The following SCUBE2 variants were observed in gnomAD, a reference collection of about 807,000 sequenced individuals.
SCUBE2 encodes signal peptide, CUB and EGF-like domain-containing protein 2.
In SCUBE2, 114 loss-of-function variants were observed where a neutral mutation model predicts 125.9. That is an observed-to-expected ratio of 0.91 (90% confidence interval 0.78 to 1.06). The LOEUF (loss-of-function observed/expected upper bound fraction) is 1.06, where lower values mean the gene tolerates loss of function less well. Among genes scored for constraint, SCUBE2 ranks in the 50% least tolerant of loss-of-function variants. The pLI, the probability that SCUBE2 is intolerant of heterozygous loss-of-function variation, is 0.00. For missense variants in SCUBE2, 1,255 were observed against 1,301.8 expected (o/e 0.96, Z 0.55); for synonymous variants, 459 against 492.9 (o/e 0.93, Z 0.91).
intron 17 of SCUBE2, among the ~76,000 whole-genome samples, chr11:9,032,456 G>A (rs1283189361): frequency 2.6e-5 from 4 of 152,218 alleles, no homozygotes; most frequent in South Asian, 2.1e-4. Flanking sequence ...CACATAGGCC[G>A]GGTGCAGTGG....
At chr11:9,051,355 A>C (rs1049237257) in intron 13 of SCUBE2, among the ~76,000 whole-genome samples, 3 of 152,182 alleles carry the variant, frequency 2.0e-5, no homozygotes, top group African/African-American at 7.2e-5. Context: ...AAAAAAGGCC[A>C]GAATCCCCCA....
At chr11:9,079,850 C>A (rs1189672601) in intron 2 of SCUBE2, among the ~76,000 whole-genome samples, 4 of 151,788 alleles carry the variant, frequency 2.6e-5, no homozygotes, top group African/African-American at 7.3e-5. Context: ...ATGAAAAAAT[C>A]AAAATTAAAA....
Position 9,091,477 on chromosome 11 carries a change from GCA to G in SCUBE2, c.50_51del (p.Leu17ProfsTer31). On this transcript the variant is annotated frameshift_variant, in exon 1 of 23. Transcript: ENST00000649792. LOFTEE classifies it high-confidence loss of function. This position sits in a 1 kb window ranked among gnomAD's most constrained non-coding sequence, Gnocchi z 8.5. ...NRPGAAWAVLLLLLLLPPLLL... is the reference protein window; with the variant it reads ...NRPGAAWAVLXLLLLLPPLLL... ...AGCAGTGGCGGCAGCAGCAGCAGCA[GCA>G]GCAGCACCGCCCAGGCCGCCCCGGG... The G allele has an allele frequency of 7.9e-7, 1 of 1,270,090 alleles. No homozygotes were observed. Among genetic ancestry groups the G allele is most frequent in the Non-Finnish European group, 1.0e-6 (1 of 985,652 alleles). 78.7% of individuals were successfully genotyped at this position (1,270,090 alleles called of 1,614,324 possible). A position where few individuals can be genotyped will look rare whatever the true frequency, so the allele number is the denominator to read the frequency against.
chr11:9,047,349 C>T lies in SCUBE2; in HGVS notation c.2002+7G>A. ...TTCTGTTAGCAAGAATGTCCCAGGCCACTCACCACATTGGTTTTCTGCATG... is the reference window on the plus strand; with the variant it reads ...TTCTGTTAGCAAGAATGTCCCAGGCTACTCACCACATTGGTTTTCTGCATG... On this transcript the variant is annotated splice_region_variant and intron_variant, in intron 16 of 22. Coordinates refer to ENST00000649792, the MANE Select transcript of SCUBE2 (RefSeq NM_001367977.2). 1 of 1,614,012 alleles carries T rather than the reference C, an allele frequency of 6.2e-7. No individual in the cohort carries two copies. The highest frequency in any genetic ancestry group is 8.5e-7 in the Non-Finnish European group (1 of 1,179,898).
In SCUBE2 at chr11:9,059,439, G is replaced by A. The variant is rs1223502680; in HGVS notation, c.968-14C>T. 2 of 1,612,530 alleles carry A rather than the reference G, an allele frequency of 1.2e-6. No individual in the cohort carries two copies. Among genetic ancestry groups the A allele is most frequent in the African/African-American group, 2.7e-5 (2 of 75,046 alleles). The stretch of plus-strand genomic sequence containing the variant: ...ACTCATCAATATCTGCAACAGGAAA[G>A]CATTGGGCATATCAGAGAGCAATAC... On this transcript the variant is annotated splice_polypyrimidine_tract_variant and intron_variant, in intron 8 of 22. Transcript: ENST00000649792.
intron 16 of SCUBE2, among the ~76,000 whole-genome samples, chr11:9,039,197 C>A (rs1856995426): frequency 6.6e-6 from 1 of 152,164 alleles, no homozygotes; most frequent in Admixed American, 6.5e-5. Flanking sequence ...GGAGGCCAGG[C>A]AAGGCTGAGG....
intron 9 of SCUBE2, 145 bp from the exon 10 acceptor site, chr11:9,056,054 A>G (rs1317770682): frequency 2.9e-6 from 2 of 680,744 alleles, no homozygotes; most frequent in Non-Finnish European, 5.2e-6. Flanking sequence ...TTCCTCACTC[A>G]CTTGTGTTAA....
At chr11:9,079,560 A>G in intron 2 of SCUBE2, 51 bp from the exon 3 acceptor site, 1 of 1,593,162 alleles carries the variant, frequency 6.3e-7, no homozygotes, top group South Asian at 1.1e-5. Flanking sequence ...CTTTGATGTG[A>G]AAACATATGC....
intron 21 of SCUBE2, chr11:9,024,273 G>T: frequency 9.2e-7 from 1 of 1,082,680 alleles, no homozygotes; most frequent in Non-Finnish European, 1.1e-6. Flanking sequence ...TTCCAGATAG[G>T]AGAGGTTGCC....
chr11:9,069,537 A>G (rs1860580566), intron 4 of SCUBE2, 42 bp from the exon 5 acceptor site: 2 of 1,612,342 alleles, frequency 1.2e-6, no homozygotes, highest in Non-Finnish European at 1.7e-6. Flanking sequence ...GGCTGTGGTC[A>G]GAATCCTGAG....
intron 9 of SCUBE2, among the ~76,000 whole-genome samples, chr11:9,056,200 T>C (rs1156647562): frequency 6.6e-6 from 1 of 152,234 alleles, no homozygotes; most frequent in African/African-American, 2.4e-5. Context: ...TAATTTAAAA[T>C]GTTTAAATGA....
chr11:9,055,757 A>G (rs1207917693), intron 10 of SCUBE2, 36 bp downstream of exon 10: 12 of 1,558,498 alleles, frequency 7.7e-6, no homozygotes, highest in Non-Finnish European at 1.1e-5. Flanking sequence ...GCCCAGCCTC[A>G]TTCCCCTCCC....
chr11:9,084,530 A>G (rs7124608), intron 2 of SCUBE2, among the ~76,000 whole-genome samples: 2,549 of 14,158 alleles, frequency 0.18, 74 homozygotes, highest in African/African-American at 0.26. Context: ...TGCAAAGGGG[A>G]AAAAAAAATA....
intron 16 of SCUBE2, among the ~76,000 whole-genome samples, chr11:9,036,354 T>C (rs1311846655): frequency 6.6e-6 from 1 of 152,180 alleles, no homozygotes; most frequent in African/African-American, 2.4e-5. Context: ...CCAGCCCATC[T>C]CTCATGTAAA....
At chr11:9,035,687 C>A (rs747850135) in intron 16 of SCUBE2, among the ~76,000 whole-genome samples, 1 of 151,996 alleles carries the variant, frequency 6.6e-6, no homozygotes, top group East Asian at 1.9e-4. Context: ...ATAAAAATGT[C>A]TTTTCATTAT....
In SCUBE2 at chr11:9,065,890, C is replaced by T. The variant is rs1033411633; in HGVS notation, c.850+1G>A. The T allele has an allele frequency of 3.7e-6, 6 of 1,613,582 alleles. No homozygotes were observed. The African/African-American group carries it at 8.0e-5, about 22-fold the overall frequency. On this transcript the variant is annotated splice_donor_variant, in intron 7 of 22. Transcript: ENST00000649792. LOFTEE classifies it high-confidence loss of function. The stretch of plus-strand genomic sequence containing the variant: ...CAAGGAAAGGGAGTGAAGGTGCCTA[C>T]CCATGAGCAGCCGCCGTTTCACCCG...
chr11:9,051,830 C>G (rs909844662), intron 13 of SCUBE2, among the ~76,000 whole-genome samples: 2 of 152,208 alleles, frequency 1.3e-5, no homozygotes, highest in Admixed American at 6.5e-5. Flanking sequence ...GCTTGCCCCA[C>G]CTTGGGGTGG....
At chr11:9,024,506 T>A (rs992491701) in intron 21 of SCUBE2, 2 of 862,252 alleles carry the variant, frequency 2.3e-6, no homozygotes, top group Non-Finnish European at 3.3e-6. Context: ...CTTGTCATCC[T>A]AAAATCCTTC....
At chr11:9,085,315 A>C (rs763462555) in intron 2 of SCUBE2, among the ~76,000 whole-genome samples, 10 of 152,232 alleles carry the variant, frequency 6.6e-5, no homozygotes, top group Non-Finnish European at 1.3e-4. Flanking sequence ...ATAGTTATGT[A>C]AGTTGTTAAC....
Sources: gnomAD v4.1 joint callset for allele counts (sites outside exome capture counted in the v4.1 genomes callset) on GRCh38, gnomAD v4.1.1 for gene constraint, Gnocchi (gnomAD v3.1) non-coding constraint, MANE v1.5 for transcripts, NCBI Gene and HGNC (gene_info 2026-07-23, HGNC 2026-07-21) for gene names.